Variants in C1QTNF3 observed in about 807,000 individuals in gnomAD.
C1QTNF3 encodes the protein complement C1q tumor necrosis factor-related protein 3.
Under a neutral mutation model 32.6 loss-of-function variants are expected in C1QTNF3, and 26 were observed. The observed-to-expected ratio is 0.80, with a 90% confidence interval of 0.58 to 1.11. C1QTNF3 has a LOEUF of 1.11. Ranked by LOEUF, C1QTNF3 falls within the 50% of genes least tolerant of loss-of-function variation. C1QTNF3 has a pLI of 0.00. For synonymous variants in C1QTNF3, 155 were observed against 146.0 expected (o/e 1.06, Z -0.44); for missense variants, 362 against 398.2 (o/e 0.91, Z 0.77).
At chr5:34,233,803 T>C in the C1QTNF3 span, among the ~76,000 whole-genome samples, 1 of 152,246 alleles carries the variant, frequency 6.6e-6, no homozygotes, top group South Asian at 2.1e-4. Context: ...GGTGAATTAA[T>C]TTCAAATTGA....
chr5:34,166,448 G>C, the C1QTNF3 span: 3 of 151,934 alleles, frequency 2.0e-5, no homozygotes, highest in East Asian at 1.9e-4. Flanking sequence ...ACTTAATCTT[G>C]AGCTCTAGTT....
chr5:34,145,678 C>CAAAAA, the C1QTNF3 span, among the ~76,000 whole-genome samples: 4 of 96,886 alleles, frequency 4.1e-5, no homozygotes, highest in Admixed American at 1.1e-4. Flanking sequence ...AGAGACACAG[C>CAAAAA]AAAAAAAAAA....
chr5:34,165,393 G>C, the C1QTNF3 span: 1 of 151,824 alleles, frequency 6.6e-6, no homozygotes, highest in Non-Finnish European at 1.5e-5. Context: ...ATGCATGTGT[G>C]TATATATATA....
the C1QTNF3 span, chr5:34,219,888 A>G: frequency 6.6e-6 from 1 of 152,142 alleles, no homozygotes; most frequent in Non-Finnish European, 1.5e-5. Context: ...AATAAACAAG[A>G]AGGAACTAAT....
the C1QTNF3 span, among the ~76,000 whole-genome samples, chr5:34,207,612 C>T: frequency 1.5e-4 from 23 of 152,054 alleles, no homozygotes; most frequent in African/African-American, 5.5e-4. Context: ...CTTTCAAGAT[C>T]ATATGGATTT....
At chr5:34,169,237 G>T in the C1QTNF3 span, 4 of 152,254 alleles carry the variant, frequency 2.6e-5, no homozygotes, top group African/African-American at 9.6e-5. Flanking sequence ...TAACACAATT[G>T]TGAGGAAATT....
the C1QTNF3 span, among the ~76,000 whole-genome samples, chr5:34,101,104 GCTTT>G: frequency 6.6e-6 from 1 of 151,310 alleles, no homozygotes; most frequent in East Asian, 1.9e-4. Context: ...AATCAAAATA[GCTTT>G]CTTTTTGTAA....
the C1QTNF3 span, among the ~76,000 whole-genome samples, chr5:34,162,540 A>T: frequency 6.6e-6 from 1 of 152,268 alleles, no homozygotes; most frequent in Non-Finnish European, 1.5e-5. Context: ...GAATTACTAG[A>T]TATGGCAGAA....
At chr5:34,195,289 G>C in the C1QTNF3 span, among the ~76,000 whole-genome samples, 3 of 149,420 alleles carry the variant, frequency 2.0e-5, no homozygotes, top group Non-Finnish European at 4.4e-5. Context: ...TTTTAAAGCT[G>C]TAATCATCTC....
chr5:34,220,225 T>C, the C1QTNF3 span, among the ~76,000 whole-genome samples: 68 of 152,192 alleles, frequency 4.5e-4, no homozygotes, highest in African/African-American at 1.6e-3. Flanking sequence ...ATAAATAATA[T>C]AAATTAGGGA....
chr5:34,176,292 T>C, the C1QTNF3 span, among the ~76,000 whole-genome samples: 1 of 149,732 alleles, frequency 6.7e-6, no homozygotes, highest in Non-Finnish European at 1.5e-5. Flanking sequence ...TTGGGAGATA[T>C]ACCTAATGCT....
At chr5:34,156,412 A>C in the C1QTNF3 span, among the ~76,000 whole-genome samples, 2 of 152,216 alleles carry the variant, frequency 1.3e-5, no homozygotes, top group African/African-American at 4.8e-5. Context: ...AATCTGAAGA[A>C]TAAATCATAG....
chr5:34,035,813 ATT>A, intron 1 of C1QTNF3, 55 bp from the exon 2 acceptor site: 1 of 1,358,552 alleles, frequency 7.4e-7, no homozygotes, highest in Non-Finnish European at 1.0e-6. Flanking sequence ...AGCAATTAGG[ATT>A]TTTAAATTTC....
chr5:34,211,596 G>A, the C1QTNF3 span, among the ~76,000 whole-genome samples: 5 of 131,558 alleles, frequency 3.8e-5, no homozygotes, highest in African/African-American at 1.5e-4. Context: ...CTGTGTCCAC[G>A]TGTTCTCATT....
At chr5:34,051,656 T>C in the C1QTNF3 span, among the ~76,000 whole-genome samples, 4 of 152,236 alleles carry the variant, frequency 2.6e-5, no homozygotes, top group African/African-American at 9.6e-5. Flanking sequence ...AGATACTTCC[T>C]GAGAAGGCAG....
the C1QTNF3 span, among the ~76,000 whole-genome samples, chr5:34,214,404 A>C: frequency 4.0e-5 from 6 of 151,732 alleles, no homozygotes; most frequent in African/African-American, 7.2e-5. Context: ...AAGTTCTTCT[A>C]AACTGAAATT....
At chr5:34,130,852 T>C in the C1QTNF3 span, among the ~76,000 whole-genome samples, 1 of 152,240 alleles carries the variant, frequency 6.6e-6, no homozygotes, top group Non-Finnish European at 1.5e-5. Context: ...TATGTCCTCA[T>C]ATTCTGTGCT....
the C1QTNF3 span, among the ~76,000 whole-genome samples, chr5:34,231,961 A>G: frequency 1.8e-4 from 25 of 140,298 alleles, no homozygotes; most frequent in African/African-American, 6.7e-4. Context: ...ACAGGCACTC[A>G]ATCCTAGCCT....
At chr5:34,232,780 T>C in the C1QTNF3 span, among the ~76,000 whole-genome samples, 2 of 152,204 alleles carry the variant, frequency 1.3e-5, no homozygotes, top group African/African-American at 4.8e-5. Context: ...TCATTCTTTA[T>C]ATCATTGTGA....
Sources: gnomAD v4.1 joint callset for allele counts (sites outside exome capture counted in the v4.1 genomes callset) on GRCh38, gnomAD v4.1.1 for gene constraint, MANE v1.5 for transcripts, NCBI Gene and HGNC (gene_info 2026-07-23, HGNC 2026-07-21) for gene names.